Variants in ARFGEF3 observed in about 807,000 individuals in gnomAD.
The protein encoded by ARFGEF3 is ARFGEF family member 3, also known as brefeldin A-inhibited guanine nucleotide-exchange protein 3.
Under a neutral mutation model 221.7 loss-of-function variants are expected in ARFGEF3, and 96 were observed. The ratio of observed to expected loss-of-function variants is 0.43; its 90% CI spans 0.37 to 0.51. ARFGEF3 has a LOEUF of 0.51. Ranked by LOEUF, ARFGEF3 falls within the 20% of genes least tolerant of loss-of-function variation. The probability of loss-of-function intolerance (pLI) is 0.00; values close to 1 mark genes in which losing one functional copy is unlikely to be tolerated. For missense variants in ARFGEF3, 2,410 were observed against 2,789.9 expected, an observed-to-expected ratio of 0.86 and a Z score of 3.07; for synonymous variants, 1,145 against 1,126.8, an observed-to-expected ratio of 1.02 and a Z score of -0.32.
At chr6:138,317,173 C>T in intron 26 of ARFGEF3, 78 bp from the exon 27 acceptor site, 2 of 1,520,170 alleles carry the variant, frequency 1.3e-6, no homozygotes, top group Non-Finnish European at 9.0e-7. Context: ...AGTTTACATA[C>T]AATGTTTAAT....
In ARFGEF3 at chr6:138,249,501, T is replaced by G. The variant is rs528766387; in HGVS notation, c.665+3910T>G. 6.6e-5 allele frequency among the ~76,000 whole-genome samples: 10 copies of G among 152,216 alleles called. 1 individual carries two copies. In the South Asian group the frequency reaches 2.1e-3, roughly 32 times the overall value. ...TGCGCCACCACACCCAGCTAATTTT[T>G]TATATTTTTGGTAGAGGCGAGGTTT... On this transcript the variant is annotated intron_variant, in intron 8 of 33. Transcript: ENST00000251691.
intron 5 of ARFGEF3, among the ~76,000 whole-genome samples, chr6:138,236,477 G>C (rs1357527864): frequency 6.6e-6 from 1 of 152,184 alleles, no homozygotes; most frequent in Non-Finnish European, 1.5e-5. Context: ...AAGCATTTCA[G>C]GGTTAAAACA....
intron 4 of ARFGEF3, among the ~76,000 whole-genome samples, chr6:138,228,244 T>G (rs1322909656): frequency 1.4e-5 from 2 of 147,182 alleles, no homozygotes; most frequent in African/African-American, 5.0e-5. Context: ...CAGTGTGATC[T>G]CGGTTCACTG....
At chr6:138,324,890 C>G (rs1242151947) in intron 31 of ARFGEF3, among the ~76,000 whole-genome samples, 2 of 152,254 alleles carry the variant, frequency 1.3e-5, no homozygotes, top group East Asian at 3.8e-4. Context: ...GCTAGGAAAC[C>G]CTGGACGTGA....
chr6:138,253,729 A>T, intron 8 of ARFGEF3, 151 bp from the exon 9 acceptor site: 1 of 657,248 alleles, frequency 1.5e-6, no homozygotes, highest in Non-Finnish European at 2.7e-6. Context: ...ATTTGGGGAG[A>T]GAGACACAGT....
Position 138,321,131 on chromosome 6 carries a change from A to G in ARFGEF3, c.4672A>G (p.Ile1558Val). 6.4e-7 allele frequency: 1 copy of G among 1,557,992 alleles called. No homozygotes were observed. The highest frequency in any genetic ancestry group is 2.4e-5 in the East Asian group (1 of 42,098). The change falls in exon 29 of 34, where the codon ATC becomes GTC. Residue 1558 changes from isoleucine (I) to valine (V), a missense_variant. Ile to Val is a conservative substitution (Grantham distance 29, BLOSUM62 3). This residue lies in a region of ARFGEF3 where 723 missense variants were observed against 991.9 expected (regional missense o/e 0.73). Transcript: ENST00000251691. Reference protein sequence around the residue: ...LHSDIRYESMINTMLKDLFEL... With the variant: ...LHSDIRYESMVNTMLKDLFEL... ...CATAGATATCAGGTACGAGAGCATGATCAATACCATGCTGAAGGACCTCTT... is the reference window on the plus strand; with the variant it reads ...CATAGATATCAGGTACGAGAGCATGGTCAATACCATGCTGAAGGACCTCTT...
chr6:138,185,039 T>G (rs566400235), intron 2 of ARFGEF3, among the ~76,000 whole-genome samples: 2 of 152,354 alleles, frequency 1.3e-5, no homozygotes, highest in East Asian at 3.9e-4. Context: ...CTGCTCCTTA[T>G]CCTCAATGAA....
intron 2 of ARFGEF3, among the ~76,000 whole-genome samples, chr6:138,200,130 T>A (rs1230611285): frequency 1.3e-5 from 2 of 152,216 alleles, no homozygotes; most frequent in Non-Finnish European, 2.9e-5. Context: ...TCTATTGAGA[T>A]GATCATGTGA....
intron 28 of ARFGEF3, among the ~76,000 whole-genome samples, chr6:138,320,180 C>T (rs892340924): frequency 6.6e-6 from 1 of 151,968 alleles, no homozygotes; most frequent in Non-Finnish European, 1.5e-5. Flanking sequence ...GAGGCGAATT[C>T]AAGTATATAA....
At chr6:138,322,063 G>A (rs1397288788) in intron 29 of ARFGEF3, among the ~76,000 whole-genome samples, 2 of 152,128 alleles carry the variant, frequency 1.3e-5, no homozygotes, top group Non-Finnish European at 2.9e-5. Context: ...GGGTGTTTCT[G>A]GATGAGAAGA....
At chr6:138,163,857 G>C (rs994911938) in intron 1 of ARFGEF3, among the ~76,000 whole-genome samples, 9 of 152,212 alleles carry the variant, frequency 5.9e-5, no homozygotes, top group Admixed American at 4.6e-4. Flanking sequence ...TCATTGTGCA[G>C]TTGGATTGGG....
intron 8 of ARFGEF3, among the ~76,000 whole-genome samples, chr6:138,251,545 C>G (rs1778583143): frequency 6.6e-6 from 1 of 152,146 alleles, no homozygotes; most frequent in Non-Finnish European, 1.5e-5. Context: ...TCATATCACT[C>G]TTTTACCTCC....
At chr6:138,192,423 G>A (rs1388306061) in intron 2 of ARFGEF3, among the ~76,000 whole-genome samples, 1 of 152,180 alleles carries the variant, frequency 6.6e-6, no homozygotes. Context: ...GGAGGTGGAG[G>A]TTGCAGTGAG....
At chr6:138,221,746 A>G (rs1248811744) in intron 4 of ARFGEF3, among the ~76,000 whole-genome samples, 3 of 152,234 alleles carry the variant, frequency 2.0e-5, no homozygotes, top group Non-Finnish European at 2.9e-5. Flanking sequence ...ATGAATATCA[A>G]TAACTTATTT....
chr6:138,252,515 A>G (rs900011836), intron 8 of ARFGEF3, among the ~76,000 whole-genome samples: 4 of 152,138 alleles, frequency 2.6e-5, no homozygotes, highest in Non-Finnish European at 5.9e-5. Context: ...AGTTGTGTGG[A>G]TGTAACCTCT....
chr6:138,278,211 T>G (rs1779132765), intron 12 of ARFGEF3, among the ~76,000 whole-genome samples: 1 of 152,210 alleles, frequency 6.6e-6, no homozygotes, highest in African/African-American at 2.4e-5. Flanking sequence ...ATCAAAGTTC[T>G]AGCTGCTAAG....
At chr6:138,221,347 A>G (rs1031639798) in intron 4 of ARFGEF3, among the ~76,000 whole-genome samples, 7 of 152,188 alleles carry the variant, frequency 4.6e-5, no homozygotes, top group African/African-American at 1.7e-4. Context: ...CTACAGGGGT[A>G]ATTAAGAATT....
chr6:138,281,191 G>A (rs895365707), intron 14 of ARFGEF3, among the ~76,000 whole-genome samples: 4 of 152,136 alleles, frequency 2.6e-5, no homozygotes, highest in African/African-American at 9.7e-5. Context: ...AGGCAAGCAG[G>A]GGCTGGGCAG....
Position 138,334,424 on chromosome 6 carries a change from G to A in ARFGEF3, c.5578G>A (p.Glu1860Lys). 6.2e-7 allele frequency: 1 copy of A among 1,612,148 alleles called. No homozygotes were observed. The highest frequency in any genetic ancestry group is 8.5e-7 in the Non-Finnish European group (1 of 1,179,196). Residue 1860 changes from glutamate to lysine, a missense_variant, in exon 33 of 34, where the codon GAA becomes AAA. Physicochemically the swap from Glu to Lys is moderately conservative, Grantham distance 56. Around this residue, in one of 5 missense-constraint regions of ARFGEF3, gnomAD observed 723 missense variants for 991.9 expected, o/e 0.73. Transcript: ENST00000251691. The surrounding 1 kb of genome is among the most constrained non-coding windows in gnomAD (Gnocchi z 5.1). ...DSSQQCSSEDEDIFEETAQVS... is the reference protein window; with the variant it reads ...DSSQQCSSEDKDIFEETAQVS... ...TTCCCAGCAGTGTTCATCTGAGGAT[G>A]AAGACATCTTTGAGGAAACCGCCCA... is the stretch of plus-strand genomic sequence containing the variant.
Sources: allele counts gnomAD v4.1 joint callset (sites outside exome capture counted in the v4.1 genomes callset), GRCh38; gene constraint gnomAD v4.1.1; regional missense constraint gnomAD v4.1.1; non-coding constraint Gnocchi (gnomAD v3.1); transcripts MANE v1.5; gene names NCBI Gene and HGNC (gene_info 2026-07-23, HGNC 2026-07-21).